RBFOX1: variants seen among roughly 807,000 people sequenced by gnomAD.
RBFOX1 encodes RNA binding fox-1 homolog 1, also known as RNA binding protein fox-1 homolog 1.
In RBFOX1, 8 loss-of-function variants were observed where a neutral mutation model predicts 57.7. The ratio of observed to expected loss-of-function variants is 0.14; its 90% CI spans 0.08 to 0.25. The LOEUF is 0.25. Among genes scored for constraint, RBFOX1 ranks in the 10% least tolerant of loss-of-function variants. RBFOX1 has a pLI of 1.00. For synonymous variants in RBFOX1, 326 were observed against 222.4 expected (o/e 1.47, Z -4.15); for missense variants, 611 against 548.5 (o/e 1.11, Z -1.14).
At chr16:6,806,032 C>G (rs1426069758) in intron 3 of RBFOX1, among the ~76,000 whole-genome samples, 3 of 152,092 alleles carry the variant, frequency 2.0e-5, no homozygotes, top group Non-Finnish European at 4.4e-5. Context: ...AAAATATTTG[C>G]TAGTTGCAGC....
At chr16:7,420,827 A>C (rs1218559335) in intron 4 of RBFOX1, among the ~76,000 whole-genome samples, 1 of 149,838 alleles carries the variant, frequency 6.7e-6, no homozygotes, top group East Asian at 1.9e-4. Context: ...ACTTTAAAGA[A>C]TTATTCTTTG....
intron 4 of RBFOX1, among the ~76,000 whole-genome samples, chr16:7,360,678 C>T (rs1381031476): frequency 6.6e-6 from 1 of 152,146 alleles, no homozygotes; most frequent in African/African-American, 2.4e-5. Context: ...TGCCTGTGTC[C>T]CTGGGATCTG....
chr16:5,607,137 C>T (rs549573549), intron 3 of RBFOX1, among the ~76,000 whole-genome samples: 11 of 152,302 alleles, frequency 7.2e-5, no homozygotes, highest in South Asian at 2.1e-4. Context: ...ACCAGCTCTA[C>T]GCCCAGACTC....
chr16:7,477,591 G>A (rs2151111133), intron 4 of RBFOX1, among the ~76,000 whole-genome samples: 1 of 152,220 alleles, frequency 6.6e-6, no homozygotes, highest in South Asian at 2.1e-4. Context: ...ATATGGCATG[G>A]CCTGAGTTTC....
chr16:6,961,246 C>A (rs1438106150), intron 3 of RBFOX1, among the ~76,000 whole-genome samples: 1 of 152,056 alleles, frequency 6.6e-6, no homozygotes, highest in Admixed American at 6.5e-5. Context: ...TGCTGATGGC[C>A]ATTTTCTCAG....
intron 4 of RBFOX1, among the ~76,000 whole-genome samples, chr16:7,427,718 A>T (rs2098635394): frequency 6.6e-6 from 1 of 150,868 alleles, no homozygotes; most frequent in African/African-American, 2.4e-5. Flanking sequence ...CAATGGCTGG[A>T]TCTCACCTCA....
chr16:6,935,781 A>T (rs1597701278), intron 3 of RBFOX1, among the ~76,000 whole-genome samples: 1 of 152,138 alleles, frequency 6.6e-6, no homozygotes, highest in Non-Finnish European at 1.5e-5. Context: ...GGCGAGGTGG[A>T]CTGTCAAGCA....
intron 3 of RBFOX1, among the ~76,000 whole-genome samples, chr16:5,849,862 C>A (rs2056849964): frequency 6.6e-6 from 1 of 152,230 alleles, no homozygotes; most frequent in East Asian, 1.9e-4. Flanking sequence ...CATTCTGTTC[C>A]CCTCCAAAAG....
intron 2 of RBFOX1, among the ~76,000 whole-genome samples, chr16:6,547,212 C>T (rs1448987655): frequency 6.6e-6 from 1 of 152,128 alleles, no homozygotes; most frequent in Non-Finnish European, 1.5e-5. Flanking sequence ...AGAATAGTTC[C>T]CTAAAGTGGC....
intron 2 of RBFOX1, among the ~76,000 whole-genome samples, chr16:6,645,473 G>A (rs575785275): frequency 7.6e-4 from 116 of 152,222 alleles, no homozygotes; most frequent in Non-Finnish European, 1.4e-3. Flanking sequence ...TAAGGGATCC[G>A]GGATGCTGGC....
chr16:7,658,307 C>A (rs926479952), intron 12 of RBFOX1, among the ~76,000 whole-genome samples: 1 of 152,268 alleles, frequency 6.6e-6, no homozygotes, highest in African/African-American at 2.4e-5. Context: ...ACCTCCATTT[C>A]CTTCAAGCCA....
At chr16:6,130,918 C>T (rs1240215017) in intron 1 of RBFOX1, among the ~76,000 whole-genome samples, 1 of 152,070 alleles carries the variant, frequency 6.6e-6, no homozygotes, top group Non-Finnish European at 1.5e-5. Flanking sequence ...AATCTGCAGT[C>T]ATAGTTGTAG....
intron 7 of RBFOX1, among the ~76,000 whole-genome samples, chr16:7,590,416 A>T (rs772356819): frequency 5.3e-5 from 8 of 152,210 alleles, no homozygotes; most frequent in Non-Finnish European, 8.8e-5. Context: ...AAGAGATGTC[A>T]GAGAGAAAAT....
intron 4 of RBFOX1, among the ~76,000 whole-genome samples, chr16:7,055,141 G>C (rs181960905): frequency 2.4e-4 from 37 of 152,128 alleles, no homozygotes; most frequent in African/African-American, 8.2e-4. Context: ...AAGCTAAACA[G>C]TTTTTATTTT....
chr16:6,378,094 G>T (rs2091399742), intron 2 of RBFOX1, among the ~76,000 whole-genome samples: 1 of 152,240 alleles, frequency 6.6e-6, no homozygotes. Context: ...TCCACCCTGT[G>T]CCCGCCTAAG....
At chr16:5,913,953 G>A (rs1303255054) in intron 4 of RBFOX1, among the ~76,000 whole-genome samples, 1 of 152,222 alleles carries the variant, frequency 6.6e-6, no homozygotes, top group Non-Finnish European at 1.5e-5. Context: ...TCCGTCATGA[G>A]GACATCAAGG....
At chr16:6,415,794 C>T (rs1438305368) in intron 2 of RBFOX1, among the ~76,000 whole-genome samples, 1 of 152,224 alleles carries the variant, frequency 6.6e-6, no homozygotes, top group Non-Finnish European at 1.5e-5. Flanking sequence ...CTGTGAGATA[C>T]ACAAATGCAG....
chr16:5,609,802 G>T (rs950960997), intron 3 of RBFOX1, among the ~76,000 whole-genome samples: 3 of 151,224 alleles, frequency 2.0e-5, no homozygotes, highest in Non-Finnish European at 2.9e-5. Flanking sequence ...CACCTACTTT[G>T]TGCAGAGCAC....
At chr16:6,637,668 G>C (rs2154069352) in intron 2 of RBFOX1, among the ~76,000 whole-genome samples, 1 of 150,076 alleles carries the variant, frequency 6.7e-6, no homozygotes, top group East Asian at 2.0e-4. Context: ...GTGGTGAATT[G>C]GGAGCCAGAT....
Sources: allele counts gnomAD v4.1 joint callset (sites outside exome capture counted in the v4.1 genomes callset), GRCh38; gene constraint gnomAD v4.1.1; transcripts MANE v1.5; gene names NCBI Gene and HGNC (gene_info 2026-07-23, HGNC 2026-07-21).